Variants in SNX25 observed in about 807,000 individuals in gnomAD.
The protein encoded by SNX25 is sorting nexin-25.
Under a neutral mutation model 113.7 loss-of-function variants are expected in SNX25, and 62 were observed. The ratio of observed to expected loss-of-function variants is 0.55; its 90% CI spans 0.44 to 0.67. SNX25 has a LOEUF of 0.67. SNX25 is among the 30% of genes least tolerant of loss of function. The pLI is 0.00. For missense variants in SNX25, 1,014 were observed against 1,161.0 expected, an observed-to-expected ratio of 0.87 and a Z score of 1.84; for synonymous variants, 421 against 436.2, an observed-to-expected ratio of 0.97 and a Z score of 0.43.
At chr4:185,255,077 G>A (rs1271558003) in intron 2 of SNX25, among the ~76,000 whole-genome samples, 1 of 152,110 alleles carries the variant, frequency 6.6e-6, no homozygotes, top group African/African-American at 2.4e-5. Context: ...ATGTGTACTT[G>A]TGTAAATTAG....
chr4:185,213,832 C>T (rs1238517117), intron 1 of SNX25, among the ~76,000 whole-genome samples: 2 of 152,114 alleles, frequency 1.3e-5, no homozygotes, highest in South Asian at 2.1e-4. Flanking sequence ...CCATTTCTTA[C>T]GTTTTGATGG....
At chr4:185,362,820 C>T (rs2095371437) in intron 18 of SNX25, 109 bp downstream of exon 18, 5 of 595,546 alleles carry the variant, frequency 8.4e-6, no homozygotes, top group South Asian at 2.1e-5. Context: ...TTCTCACATA[C>T]TAGTCATCTC....
At chr4:185,274,691 CTT>C (rs1223343850) in intron 5 of SNX25, among the ~76,000 whole-genome samples, 3 of 152,206 alleles carry the variant, frequency 2.0e-5, no homozygotes, top group Non-Finnish European at 2.9e-5. Flanking sequence ...GAGGAGAAAA[CTT>C]TGTTTTCTAA....
At chr4:185,331,673 C>T (rs10006584) in intron 9 of SNX25, among the ~76,000 whole-genome samples, 22,864 of 151,798 alleles carry the variant, frequency 0.15, 2,448 homozygotes, top group African/African-American at 0.31. Context: ...ACCAGCTACT[C>T]GGGAGGCTGA....
chr4:185,304,637 G>A (rs747282136), intron 6 of SNX25, among the ~76,000 whole-genome samples: 15 of 151,988 alleles, frequency 9.9e-5, no homozygotes, highest in Non-Finnish European at 1.8e-4. Context: ...AATTACAGGC[G>A]TGAGCCACCA....
chr4:185,292,783 TGTG>T (rs968236706), intron 6 of SNX25, among the ~76,000 whole-genome samples: 3 of 152,068 alleles, frequency 2.0e-5, no homozygotes, highest in Non-Finnish European at 4.4e-5. Context: ...ATTATCCAGG[TGTG>T]GTGGTGCACA....
chr4:185,329,661 C>G (rs1355108514), intron 9 of SNX25, among the ~76,000 whole-genome samples: 2 of 151,372 alleles, frequency 1.3e-5, no homozygotes, highest in African/African-American at 4.9e-5. Flanking sequence ...TGGATTGGAG[C>G]CGCATGAGGA....
downstream of SNX25, chr4:185,370,713 TA>T (rs1267526864): frequency 6.2e-7 from 1 of 1,613,970 alleles, no homozygotes; most frequent in African/African-American, 1.3e-5. Flanking sequence ...CCTTGCGTGG[TA>T]GAAGGATGCC....
chr4:185,357,695 T>G lies in SNX25; in HGVS notation c.2609T>G (p.Leu870Ter). ...GTGTTTAAATGGGTGAGAAGAACAT[T>G]AATTGCCCTCGTTCAGGTCACTTTT... is the stretch of plus-strand genomic sequence containing the variant. ...RGMFKWVRRT[L>*]IALVQVTFGR... The change falls in exon 16 of 19, where the codon TTA becomes TGA. Residue 870 changes from leucine (L) to a stop codon, truncating the protein, a stop_gained. Transcript: ENST00000652585. LOFTEE classifies it high-confidence loss of function. The G allele has an allele frequency of 6.2e-7, 1 of 1,614,168 alleles. No individual in the cohort carries two copies. Among genetic ancestry groups the G allele is most frequent in the Non-Finnish European group, 8.5e-7 (1 of 1,180,014 alleles).
intron 1 of SNX25, among the ~76,000 whole-genome samples, chr4:185,215,090 C>T (rs1323635551): frequency 1.3e-5 from 2 of 152,000 alleles, no homozygotes; most frequent in East Asian, 1.9e-4. Context: ...ATTAGCCGGG[C>T]GTGGTGCGGG....
chr4:185,342,879 T>C (rs2095267218), intron 12 of SNX25, among the ~76,000 whole-genome samples: 1 of 152,084 alleles, frequency 6.6e-6, no homozygotes, highest in South Asian at 2.1e-4. Flanking sequence ...TTTATTTATT[T>C]ATCTATTTAT....
the SNX25 span, chr4:185,377,770 A>G: frequency 4.5e-6 from 1 of 219,958 alleles, no homozygotes; most frequent in Non-Finnish European, 8.8e-6. Context: ...AGGTATTTAA[A>G]TAATAATTGC....
Position 185,323,520 on chromosome 4 carries a change from C to T in SNX25, c.1477-8C>T. On this transcript the variant is annotated splice_region_variant and splice_polypyrimidine_tract_variant and intron_variant, in intron 8 of 18. Coordinates refer to ENST00000652585, the MANE Select transcript of SNX25 (RefSeq NM_001378034.2). ...GTCTTACTTTTCCTTATCTTCCTGT[C>T]TTTTCAGAATGAAATTCCACAATTA... The T allele has an allele frequency of 6.2e-7, 1 of 1,604,462 alleles. No homozygotes were observed. Among genetic ancestry groups the T allele is most frequent in the Non-Finnish European group, 8.5e-7 (1 of 1,176,474 alleles).
At chr4:185,235,059 C>G (rs574947397) in intron 1 of SNX25, among the ~76,000 whole-genome samples, 2 of 152,168 alleles carry the variant, frequency 1.3e-5, no homozygotes, top group Non-Finnish European at 2.9e-5. Context: ...GAGAAAAGAT[C>G]TAATGGTTTC....
intron 9 of SNX25, among the ~76,000 whole-genome samples, chr4:185,325,238 A>G (rs1182793865): frequency 6.6e-6 from 1 of 152,206 alleles, no homozygotes; most frequent in Non-Finnish European, 1.5e-5. Context: ...AGTAACCATT[A>G]TTAAAAGACA....
intron 1 of SNX25, among the ~76,000 whole-genome samples, chr4:185,222,577 C>G (rs1384390376): frequency 6.6e-6 from 1 of 152,220 alleles, no homozygotes; most frequent in Non-Finnish European, 1.5e-5. Context: ...GCATATACCG[C>G]TCCTTCACTG....
intron 6 of SNX25, among the ~76,000 whole-genome samples, chr4:185,294,522 A>G (rs1752595049): frequency 6.6e-6 from 1 of 152,226 alleles, no homozygotes; most frequent in Non-Finnish European, 1.5e-5. Flanking sequence ...AGAGGGGCAT[A>G]GGAAACTCCT....
chr4:185,369,891 GAGTC>G (rs2095409243), exon 12 of SNX25: 1 of 348,920 alleles, frequency 2.9e-6, no homozygotes, highest in Non-Finnish European at 5.6e-6. Flanking sequence ...TGTAATATCA[GAGTC>G]AGCCAAGGGA....
downstream of SNX25, among the ~76,000 whole-genome samples, chr4:185,371,255 A>G (rs2095413647): frequency 6.6e-6 from 1 of 152,074 alleles, no homozygotes; most frequent in Non-Finnish European, 1.5e-5. Flanking sequence ...AAAATAGACA[A>G]TTGGCTGGGC....
Sources: gnomAD v4.1 joint callset for allele counts (sites outside exome capture counted in the v4.1 genomes callset) on GRCh38, gnomAD v4.1.1 for gene constraint, MANE v1.5 for transcripts, NCBI Gene and HGNC (gene_info 2026-07-23, HGNC 2026-07-21) for gene names.